The following DNAJC11 variants were observed in gnomAD, a reference collection of about 807,000 sequenced individuals.
DNAJC11 encodes DnaJ heat shock protein family (Hsp40) member C11, also known as dnaJ homolog subfamily C member 11.
A neutral mutation model predicts 78.6 loss-of-function variants in DNAJC11; 15 were observed. That is an observed-to-expected ratio of 0.19 (90% CI 0.13 to 0.29). The LOEUF is 0.29. DNAJC11 is among the 10% of genes least tolerant of loss of function. The pLI, the probability that DNAJC11 is intolerant of heterozygous loss-of-function variation, is 1.00. For synonymous variants in DNAJC11, 292 were observed against 272.1 expected, an observed-to-expected ratio of 1.07 and a Z score of -0.72; for missense variants, 547 against 709.6, an observed-to-expected ratio of 0.77 and a Z score of 2.60.
At chr1:6,699,637 T>C (rs1642892729) in intron 1 of DNAJC11, among the ~76,000 whole-genome samples, 1 of 152,138 alleles carries the variant, frequency 6.6e-6, no homozygotes, top group African/African-American at 2.4e-5. Flanking sequence ...AATAAGTGAT[T>C]AGCCCATTAA....
In DNAJC11 at chr1:6,651,552, C is replaced by T. The variant is rs1199714354; in HGVS notation, c.681G>A (p.Leu227=). The change falls in exon 7 of 16, where the codon CTG becomes CTA. Residue 227 remains leucine, a synonymous_variant. Coordinates refer to ENST00000377577, the MANE Select transcript of DNAJC11 (RefSeq NM_018198.4). ...DLQGPLFGLK[L]FRNLTPRCFV... is the part of the protein sequence containing the mutation. ...ACCATCTTGGTGTGAGATTACGGAA[C>T]AGCTTGAGACCGAACAAAGGCCCCT... The T allele has an allele frequency of 9.3e-6, 15 of 1,614,146 alleles. No homozygotes were observed. In the East Asian group the frequency reaches 2.2e-4, roughly 24 times the overall value.
At chr1:6,667,432 C>T (rs555136911) in intron 4 of DNAJC11, among the ~76,000 whole-genome samples, 2 of 152,148 alleles carry the variant, frequency 1.3e-5, no homozygotes, top group South Asian at 2.1e-4. Context: ...ATCTGCTTGG[C>T]GAAACTCCCA....
chr1:6,639,289 ACTT>A (rs954750703), intron 11 of DNAJC11, among the ~76,000 whole-genome samples: 27 of 149,256 alleles, frequency 1.8e-4, no homozygotes, highest in African/African-American at 5.9e-4. Context: ...AGAAAGGAAA[ACTT>A]CTTCTTTCTT....
intron 1 of DNAJC11, among the ~76,000 whole-genome samples, chr1:6,700,391 T>G (rs1642906746): frequency 2.0e-5 from 3 of 152,318 alleles, no homozygotes; most frequent in Admixed American, 2.0e-4. Context: ...TGGTGGTCTC[T>G]TCACACGGAC....
intron 4 of DNAJC11, among the ~76,000 whole-genome samples, chr1:6,665,308 A>G (rs904150365): frequency 6.6e-6 from 1 of 152,138 alleles, no homozygotes; most frequent in Non-Finnish European, 1.5e-5. Context: ...AACTCAAGCA[A>G]TCCTCCTGCC....
chr1:6,650,623 C>T (rs1642039906), intron 7 of DNAJC11, among the ~76,000 whole-genome samples: 1 of 152,118 alleles, frequency 6.6e-6, no homozygotes, highest in Admixed American at 6.6e-5. Context: ...CCTGTAATCT[C>T]ACCACTTTGG....
chr1:6,669,433 C>T (rs1642341646), intron 3 of DNAJC11, among the ~76,000 whole-genome samples: 1 of 151,840 alleles, frequency 6.6e-6, no homozygotes, highest in South Asian at 2.1e-4. Context: ...ATCACTTGAA[C>T]CCGGCAGGCG....
At chr1:6,665,886 C>T (rs1477367175) in intron 4 of DNAJC11, among the ~76,000 whole-genome samples, 8 of 152,140 alleles carry the variant, frequency 5.3e-5, no homozygotes, top group Admixed American at 3.9e-4. Context: ...CTGCCAATAC[C>T]GACCTTCCAA....
chr1:6,641,669 C>T (rs1641880638), intron 10 of DNAJC11, among the ~76,000 whole-genome samples: 1 of 151,962 alleles, frequency 6.6e-6, no homozygotes, highest in African/African-American at 2.4e-5. Flanking sequence ...AGTGTGCGCG[C>T]CACTGTACTG....
intron 4 of DNAJC11, among the ~76,000 whole-genome samples, chr1:6,659,463 C>G (rs529818891): frequency 2.0e-5 from 3 of 152,284 alleles, no homozygotes; most frequent in South Asian, 2.1e-4. Context: ...CCTGACTACT[C>G]TAATTAAAAC....
chr1:6,677,921 C>G (rs986591794), intron 3 of DNAJC11, among the ~76,000 whole-genome samples: 4 of 152,222 alleles, frequency 2.6e-5, no homozygotes, highest in African/African-American at 4.8e-5. Context: ...AGCAACTCTG[C>G]TTCCATTTTG....
chr1:6,678,594 C>T, intron 2 of DNAJC11, 127 bp from the exon 3 acceptor site: 1 of 736,074 alleles, frequency 1.4e-6, no homozygotes, highest in Non-Finnish European at 2.2e-6. Flanking sequence ...TTCCTAGAGA[C>T]CCCTTTCATT....
chr1:6,653,011 C>T lies in DNAJC11; in HGVS notation c.508-60G>A, dbSNP rs1035883735. 1.4e-5 allele frequency: 23 copies of T among 1,606,968 alleles called. No homozygotes were observed. Among genetic ancestry groups the T allele is most frequent in the Non-Finnish European group, 1.8e-5 (21 of 1,175,532 alleles). On this transcript the variant is annotated intron_variant, in intron 5 of 15. Transcript: ENST00000377577. The surrounding 1 kb of genome is among the most constrained non-coding windows in gnomAD (Gnocchi z 4.5). Reference sequence around the variant, plus strand: ...AAACAACAGGAAGTGCCAATGGCAGCAGCCTAAAGAACGCACTGTGAGCCC... The same window carrying T: ...AAACAACAGGAAGTGCCAATGGCAGTAGCCTAAAGAACGCACTGTGAGCCC...
In DNAJC11 at chr1:6,644,693, G is replaced by A; in HGVS notation, c.981-19C>T. The A allele has an allele frequency of 6.3e-7, 1 of 1,593,936 alleles. No homozygotes were observed. The highest frequency in any genetic ancestry group is 8.6e-7 in the Non-Finnish European group (1 of 1,161,562). On this transcript the variant is annotated intron_variant, in intron 9 of 15. Transcript: ENST00000377577. Reference sequence around the variant, plus strand: ...GCCTGCTCTGCAGGGAGAGAACGCGGTCTGTGCCTGTGCCCCTCATTCATC... The same window carrying A: ...GCCTGCTCTGCAGGGAGAGAACGCGATCTGTGCCTGTGCCCCTCATTCATC...
chr1:6,639,596 T>G (rs1458388358), intron 11 of DNAJC11, among the ~76,000 whole-genome samples: 1 of 151,830 alleles, frequency 6.6e-6, no homozygotes, highest in East Asian at 1.9e-4. Flanking sequence ...CCTTCCAAAG[T>G]GCTGGGAATA....
intron 1 of DNAJC11, among the ~76,000 whole-genome samples, chr1:6,684,215 G>C (rs1005275738): frequency 2.0e-5 from 3 of 151,986 alleles, no homozygotes; most frequent in Non-Finnish European, 2.9e-5. Flanking sequence ...CAAGTAGCTG[G>C]GACTACAGGC....
chr1:6,642,611 G>A (rs570351338), intron 10 of DNAJC11, among the ~76,000 whole-genome samples: 7 of 152,190 alleles, frequency 4.6e-5, no homozygotes, highest in Non-Finnish European at 7.4e-5. Flanking sequence ...AGGCCGAAGC[G>A]GGAGAACTAC....
intron 4 of DNAJC11, among the ~76,000 whole-genome samples, chr1:6,667,418 G>C (rs927275110): frequency 2.0e-5 from 3 of 152,106 alleles, no homozygotes; most frequent in Admixed American, 2.0e-4. Flanking sequence ...TGACTAGCCT[G>C]TATATCTGCT....
intron 11 of DNAJC11, among the ~76,000 whole-genome samples, 153 bp downstream of exon 11, chr1:6,639,749 A>G (rs890519732): frequency 6.6e-5 from 10 of 152,174 alleles, no homozygotes; most frequent in Non-Finnish European, 1.5e-4. Flanking sequence ...ACCAATCGTG[A>G]CCCAGACATC....
Sources: gnomAD v4.1 joint callset for allele counts (sites outside exome capture counted in the v4.1 genomes callset) on GRCh38, gnomAD v4.1.1 for gene constraint, Gnocchi (gnomAD v3.1) non-coding constraint, MANE v1.5 for transcripts, NCBI Gene and HGNC (gene_info 2026-07-23, HGNC 2026-07-21) for gene names.